The following LRBA variants were observed in gnomAD, a reference collection of about 807,000 sequenced individuals.
LRBA encodes the protein lipopolysaccharide-responsive and beige-like anchor protein.
A neutral mutation model predicts 330.0 loss-of-function variants in LRBA; 176 were observed. The ratio of observed to expected loss-of-function variants is 0.53; its 90% CI spans 0.47 to 0.60. LRBA has a LOEUF of 0.60. LRBA is among the 20% of genes least tolerant of loss of function. LRBA has a pLI of 0.00. For synonymous variants in LRBA, 1,230 were observed against 1,193.0 expected (o/e 1.03, Z -0.64); for missense variants, 3,259 against 3,444.8 (o/e 0.95, Z 1.35).
In LRBA at chr4:150,685,580, C is replaced by T. The variant is rs570459506; in HGVS notation, c.5755-1863G>A. Among the ~76,000 whole-genome samples, 22 of 149,714 alleles carry T rather than the reference C, an allele frequency of 1.5e-4. 1 individual carries two copies. The South Asian group carries it at 4.5e-3, about 30-fold the overall frequency. On this transcript the variant is annotated intron_variant, in intron 36 of 56. Transcript: ENST00000651943. ...TCCCGAGTAGCTGGGACTACAGGTGCACGCCACCACACCCAGCTAATTTTT... is the reference window on the plus strand; with the variant it reads ...TCCCGAGTAGCTGGGACTACAGGTGTACGCCACCACACCCAGCTAATTTTT...
intron 35 of LRBA, among the ~76,000 whole-genome samples, chr4:150,759,080 C>A (rs1419285493): frequency 1.3e-5 from 2 of 151,472 alleles, no homozygotes; most frequent in Non-Finnish European, 2.9e-5. Context: ...CTATACCAGG[C>A]TAATTGTTTG....
chr4:150,875,655 C>T (rs1454126504), intron 17 of LRBA, among the ~76,000 whole-genome samples: 1 of 152,254 alleles, frequency 6.6e-6, no homozygotes, highest in African/African-American at 2.4e-5. Context: ...ACCCAGCATT[C>T]TCTATAGCCA....
At chr4:150,791,226 A>G (rs574237796) in intron 34 of LRBA, among the ~76,000 whole-genome samples, 109 of 152,158 alleles carry the variant, frequency 7.2e-4, no homozygotes, top group Non-Finnish European at 1.2e-3. Context: ...CGGGGATTAC[A>G]GTTGCAAACC....
rs1465852898 is a variant in LRBA at position 151,014,618 on chromosome 4, G to A, written c.25C>T (p.Pro9Ser). 1.2e-5 allele frequency: 20 copies of A among 1,605,654 alleles called. No homozygotes were observed. The highest frequency in any genetic ancestry group is 1.6e-5 in the Non-Finnish European group (19 of 1,175,648). Residue 9 changes from proline to serine, a missense_variant, in exon 2 of 57, where the codon CCT (proline) becomes TCT (serine). Coordinates refer to ENST00000651943, the MANE Select transcript of LRBA (RefSeq NM_001364905.1). The part of the protein sequence containing the change: MASEDNRV[P>S]SPPPTGDDGG... ...TCATCACCTGTTGGTGGCGGGGAAG[G>A]GACACGATTGTCTTCGCTAGCCATT... is the stretch of plus-strand genomic sequence containing the variant.
intron 2 of LRBA, among the ~76,000 whole-genome samples, chr4:150,986,838 G>A (rs868252284): frequency 2.0e-5 from 3 of 152,224 alleles, no homozygotes; most frequent in Non-Finnish European, 4.4e-5. Flanking sequence ...GGGCAAGGAA[G>A]TGAGGGGGAA....
chr4:150,853,829 C>T (rs1170885966), intron 22 of LRBA, among the ~76,000 whole-genome samples: 1 of 152,050 alleles, frequency 6.6e-6, no homozygotes, highest in Non-Finnish European at 1.5e-5. Flanking sequence ...GCCAGAAAAA[C>T]CTATAACACA....
At chr4:150,394,407 T>C (rs1484351210) in intron 47 of LRBA, among the ~76,000 whole-genome samples, 2 of 152,224 alleles carry the variant, frequency 1.3e-5, no homozygotes, top group African/African-American at 4.8e-5. Flanking sequence ...GATATGTTAA[T>C]TATGGTACTT....
intron 36 of LRBA, among the ~76,000 whole-genome samples, chr4:150,729,636 A>C (rs1293802932): frequency 6.6e-6 from 1 of 152,190 alleles, no homozygotes; most frequent in Non-Finnish European, 1.5e-5. Context: ...CAAAGAAATA[A>C]AACAAAACCC....
intron 36 of LRBA, among the ~76,000 whole-genome samples, chr4:150,731,150 G>A (rs765576230): frequency 6.6e-6 from 1 of 152,154 alleles, no homozygotes; most frequent in Non-Finnish European, 1.5e-5. Flanking sequence ...AACAAACGCT[G>A]TCGAGGATGT....
intron 2 of LRBA, among the ~76,000 whole-genome samples, chr4:150,962,393 C>G (rs1738244147): frequency 6.7e-6 from 1 of 149,158 alleles, no homozygotes; most frequent in Non-Finnish European, 1.5e-5. Context: ...TGGTGCTCAC[C>G]TATGATCTCA....
chr4:150,278,176 C>T (rs1363444672), intron 55 of LRBA, among the ~76,000 whole-genome samples, 172 bp from the exon 56 acceptor site: 1 of 152,136 alleles, frequency 6.6e-6, no homozygotes, highest in Admixed American at 6.5e-5. Flanking sequence ...TTTTCAAAAA[C>T]CAAATGGACA....
At position 150,491,278 on chromosome 4, in the gene LRBA, AATG is replaced by A. The variant is rs201601456; in HGVS notation, c.6331-246_6331-244del. 5.8e-3 allele frequency among the ~76,000 whole-genome samples: 876 copies of A among 152,176 alleles called. 7 individuals are homozygous for A. Among genetic ancestry groups the A allele is most frequent in the African/African-American group, 0.02 (824 of 41,574 alleles). ...AGTATATATTCGGGCTTTTAAAAAC[AATG>A]ATATAATCTACTGCTTCTGAAGAAA... On this transcript the variant is annotated intron_variant, in intron 40 of 56. Transcript: ENST00000651943.
At chr4:150,422,471 A>G (rs1268954735) in intron 46 of LRBA, among the ~76,000 whole-genome samples, 1 of 152,118 alleles carries the variant, frequency 6.6e-6, no homozygotes, top group Non-Finnish European at 1.5e-5. Flanking sequence ...CAAAAAATCT[A>G]ACCCTATGAA....
chr4:150,692,320 G>A (rs1784212926), intron 36 of LRBA, among the ~76,000 whole-genome samples: 1 of 152,040 alleles, frequency 6.6e-6, no homozygotes, highest in African/African-American at 2.4e-5. Context: ...TTGGGCTCAA[G>A]TGATCCTGCC....
intron 48 of LRBA, among the ~76,000 whole-genome samples, chr4:150,333,746 G>C (rs1255354115): frequency 6.6e-6 from 1 of 152,070 alleles, no homozygotes; most frequent in Non-Finnish European, 1.5e-5. Context: ...TGGAGGTATG[G>C]TTCAACTTTA....
chr4:150,908,227 T>G (rs1731563507), intron 11 of LRBA, 107 bp downstream of exon 11: 4 of 1,103,578 alleles, frequency 3.6e-6, no homozygotes, highest in Non-Finnish European at 5.3e-6. Context: ...GTTCACAAGT[T>G]TAAATTATTT....
intron 52 of LRBA, among the ~76,000 whole-genome samples, chr4:150,306,691 T>C (rs977371691): frequency 7.9e-5 from 12 of 152,118 alleles, no homozygotes; most frequent in African/African-American, 2.7e-4. Context: ...GGGAAAAGAA[T>C]GACATCAGGT....
intron 53 of LRBA, among the ~76,000 whole-genome samples, chr4:150,288,176 A>G (rs1282027722): frequency 6.6e-6 from 1 of 151,958 alleles, no homozygotes; most frequent in Non-Finnish European, 1.5e-5. Context: ...TATTTTTAGT[A>G]GAGACGGGGT....
intron 56 of LRBA, among the ~76,000 whole-genome samples, chr4:150,273,482 T>G (rs1746391640): frequency 6.6e-6 from 1 of 152,164 alleles, no homozygotes; most frequent in Non-Finnish European, 1.5e-5. Context: ...TAAATGTAAA[T>G]GGACTAAATG....
Sources: allele counts gnomAD v4.1 joint callset (sites outside exome capture counted in the v4.1 genomes callset), GRCh38; gene constraint gnomAD v4.1.1; transcripts MANE v1.5; gene names NCBI Gene and HGNC (gene_info 2026-07-23, HGNC 2026-07-21).